ADNP2: variants seen among roughly 807,000 people sequenced by gnomAD.
The protein encoded by ADNP2 is ADNP homeobox 2, also known as activity-dependent neuroprotector homeobox protein 2.
ADNP2 carries 8 observed loss-of-function variants against 16.4 expected under a neutral mutation model. The observed-to-expected ratio is 0.49, with a 90% CI of 0.29 to 0.88. The LOEUF is 0.88. Ranked by LOEUF, ADNP2 falls within the 40% of genes least tolerant of loss-of-function variation. The probability of loss-of-function intolerance (pLI) is 0.09; values close to 1 mark genes in which losing one functional copy is unlikely to be tolerated. For synonymous variants in ADNP2, 637 were observed against 545.8 expected (o/e 1.17, Z -2.33); for missense variants, 1,397 against 1,395.1 (o/e 1.00, Z -0.02).
chr18:80,133,318 C>A, intron 3 of ADNP2, 126 bp downstream of exon 3: 2 of 765,244 alleles, frequency 2.6e-6, no homozygotes, highest in Non-Finnish European at 4.6e-6. Flanking sequence ...AATAATGCAA[C>A]CTTTCAGAGA....
chr18:80,115,416 G>T (rs2052382756), intron 1 of ADNP2, among the ~76,000 whole-genome samples: 1 of 152,036 alleles, frequency 6.6e-6, no homozygotes, highest in Non-Finnish European at 1.5e-5. Context: ...CTGCTACTGG[G>T]GTGTATAACT....
Position 80,135,952 on chromosome 18 carries a change from A to C in ADNP2, c.539A>C (p.His180Pro). 1 of 1,614,226 alleles carries C rather than the reference A, an allele frequency of 6.2e-7. No homozygotes were observed. Among genetic ancestry groups the C allele is most frequent in the East Asian group, 2.2e-5 (1 of 44,880 alleles). The change falls in exon 4 of 4, where the codon CAC (histidine) becomes CCC (proline). Residue 180 changes from histidine (H) to proline (P), a missense_variant. By Grantham distance (77) the His-to-Pro change is moderately conservative. Transcript: ENST00000262198. ...MKKHVLVAHFHYLINSYFGLR... is the reference protein window; with the variant it reads ...MKKHVLVAHFPYLINSYFGLR... ...AAGCATGTGCTGGTAGCCCATTTTC[A>C]CTACTTAATTAACTCCTACTTTGGC... is the stretch of plus-strand genomic sequence containing the variant.
chr18:80,123,928 C>A (rs1157822386), intron 2 of ADNP2, among the ~76,000 whole-genome samples: 2 of 152,014 alleles, frequency 1.3e-5, no homozygotes, highest in Non-Finnish European at 2.9e-5. Flanking sequence ...TGGGGTTTCA[C>A]CATGTTGGCC....
Position 80,109,487 on chromosome 18 carries a change from G to C in ADNP2, c.-14+15G>C, listed in dbSNP as rs1321505370. On this transcript the variant is annotated intron_variant, in intron 1 of 3. Coordinates refer to ENST00000262198, the MANE Select transcript of ADNP2 (RefSeq NM_014913.4). ...GGCGCCAAGCGGTAGGTACGGCCCG[G>C]CCCGGCGCGGGCCCGCGCGGCGACG... 6.8e-6 allele frequency: 1 copy of C among 147,808 alleles called. No homozygotes were observed. The highest frequency in any genetic ancestry group is 1.5e-5 in the Non-Finnish European group (1 of 66,326). 9.2% of individuals were successfully genotyped at this position (147,808 alleles called of 1,614,324 possible).
Position 80,136,556 on chromosome 18 carries a change from C to A in ADNP2, c.1143C>A (p.Val381=). The A allele has an allele frequency of 6.2e-7, 1 of 1,614,226 alleles. No homozygotes were observed. Among genetic ancestry groups the A allele is most frequent in the Non-Finnish European group, 8.5e-7 (1 of 1,180,044 alleles). Residue 381 remains valine, a synonymous_variant, in exon 4 of 4, where the codon GTC becomes GTA. Coordinates refer to ENST00000262198, the MANE Select transcript of ADNP2 (RefSeq NM_014913.4). ...VLPLSQPVGP[V]NKSVGTSVLP... ...CCTTGAGTCAGCCAGTCGGACCTGT[C>A]AATAAGTCTGTTGGAACTAGTGTCC...
At chr18:80,121,334 A>G (rs1027466824) in intron 2 of ADNP2, among the ~76,000 whole-genome samples, 2 of 152,176 alleles carry the variant, frequency 1.3e-5, no homozygotes, top group African/African-American at 4.8e-5. Flanking sequence ...AGCCATTTGT[A>G]TATCTTCTTT....
chr18:80,139,662 TCTC>T lies in ADNP2; in HGVS notation c.*856_*858del, dbSNP rs1315721407. The T allele has an allele frequency of 6.6e-6, 1 of 152,576 alleles. No individual in the cohort carries two copies. Among genetic ancestry groups the T allele is most frequent in the Non-Finnish European group, 1.5e-5 (1 of 68,034 alleles). The allele number at this position is 152,576 out of a possible 1,614,324, so 9.5% of individuals were successfully genotyped here. A position where few individuals can be genotyped will look rare whatever the true frequency, so the allele number is the denominator to read the frequency against. ...TTGAAAGAATACACCCCAAAACTCTTCTCCTAACTTAACTACTCATAAACTAGT... is the reference window on the plus strand; with the variant it reads ...TTGAAAGAATACACCCCAAAACTCTTCTAACTTAACTACTCATAAACTAGT... On this transcript the variant is annotated 3_prime_UTR_variant, in exon 4 of 4. Transcript: ENST00000262198.
chr18:80,137,143 C>G lies in ADNP2; in HGVS notation c.1730C>G (p.Pro577Arg), dbSNP rs1419535933. 12 of 1,614,130 alleles carry G rather than the reference C, an allele frequency of 7.4e-6. No individual in the cohort carries two copies. The highest frequency in any genetic ancestry group is 1.0e-5 in the Non-Finnish European group (12 of 1,180,042). Residue 577 changes from proline to arginine, a missense_variant, in exon 4 of 4, where the codon CCT (proline) becomes CGT (arginine). Transcript: ENST00000262198. The surrounding 1 kb of genome is among the most constrained non-coding windows in gnomAD (Gnocchi z 4.2). ...CAGACTGTGGGCACCAACATTCTGC[C>G]TGTGAATCAGCCAGTGAGACCTGGT... ...LNQTVGTNIL[P>R]VNQPVRPGAS...
Position 80,137,919 on chromosome 18 carries a change from G to T in ADNP2, c.2506G>T (p.Glu836Ter). The change falls in exon 4 of 4, where the codon GAG becomes TAG. Residue 836 changes from glutamate to a stop codon, truncating the protein, a stop_gained. Coordinates refer to ENST00000262198, the MANE Select transcript of ADNP2 (RefSeq NM_014913.4). LOFTEE classifies it low-confidence loss of function (END_TRUNC). This position sits in a 1 kb window ranked among gnomAD's most constrained non-coding sequence, Gnocchi z 4.2. ...ITILPKEKLG[E>*]REVYLAILAG... is the part of the protein sequence containing the mutation. The stretch of plus-strand genomic sequence containing the variant: ...CATATTGCCAAAGGAGAAGCTTGGG[G>T]AGCGGGAAGTCTACTTGGCAATCCT... 1 of 1,613,634 alleles carries T rather than the reference G, an allele frequency of 6.2e-7. No individual in the cohort carries two copies. Among genetic ancestry groups the T allele is most frequent in the Non-Finnish European group, 8.5e-7 (1 of 1,180,030 alleles).
At chr18:80,119,150 G>T (rs879827427) in intron 2 of ADNP2, among the ~76,000 whole-genome samples, 1 of 152,136 alleles carries the variant, frequency 6.6e-6, no homozygotes, top group Non-Finnish European at 1.5e-5. Flanking sequence ...TGCACCAGCT[G>T]TTGTTTCTTT....
At chr18:80,126,125 C>T (rs1160180691) in intron 2 of ADNP2, among the ~76,000 whole-genome samples, 1 of 151,762 alleles carries the variant, frequency 6.6e-6, no homozygotes, top group Non-Finnish European at 1.5e-5. Flanking sequence ...TATTTTTATT[C>T]CATTTTATCT....
Position 80,123,552 on chromosome 18 carries a change from T to C in ADNP2, c.108+5902T>C, listed in dbSNP as rs2052438833. On this transcript the variant is annotated intron_variant, in intron 2 of 3. Transcript: ENST00000262198. The stretch of plus-strand genomic sequence containing the variant: ...ACCCAGCTAATTTTTCTATTTTTAG[T>C]AGAGACGGGTTTTTCCTTGTTGGTC... Among the ~76,000 whole-genome samples, 3 of 152,020 alleles carry C rather than the reference T, an allele frequency of 2.0e-5. No individual in the cohort carries two copies. In the South Asian group the frequency reaches 6.3e-4, roughly 32 times the overall value.
intron 2 of ADNP2, among the ~76,000 whole-genome samples, chr18:80,127,513 ATCTTTCACTT>A (rs2052468002): frequency 6.6e-6 from 1 of 151,956 alleles, no homozygotes; most frequent in Admixed American, 6.6e-5. Flanking sequence ...TTTACCATCC[ATCTTTCACTT>A]TCTTTCACTT....
rs2052562802 is a variant in ADNP2 at position 80,138,893 on chromosome 18, G to A, written c.*84G>A. On this transcript the variant is annotated 3_prime_UTR_variant, in exon 4 of 4. Transcript: ENST00000262198. ...AATTTCACAGTGTTGTCCTCACTGT[G>A]TTGGTGAATCAACCTCAGTGGTCAC... is the stretch of plus-strand genomic sequence containing the variant. 1.6e-6 allele frequency: 2 copies of A among 1,270,474 alleles called. No individual in the cohort carries two copies. The highest frequency in any genetic ancestry group is 3.0e-5 in the African/African-American group (2 of 65,792). The allele number at this position is 1,270,474 out of a possible 1,614,324, so 78.7% of individuals were successfully genotyped here.
In ADNP2 at chr18:80,133,166, C is replaced by T. The variant is rs1204777179; in HGVS notation, c.172C>T (p.Leu58Phe). The change falls in exon 3 of 4, where the codon CTC becomes TTC. Residue 58 changes from leucine (L) to phenylalanine (F), a missense_variant. Transcript: ENST00000262198. The part of the protein sequence containing the change: ...FHNTSWGDVS[L>F]WEPSGKKVRY... ...TAACACATCATGGGGTGATGTTTCT[C>T]TCTGGGAACCTTCTGGAAAGAAAGT... The T allele has an allele frequency of 6.2e-7, 1 of 1,613,550 alleles. No individual in the cohort carries two copies. The highest frequency in any genetic ancestry group is 1.7e-5 in the Admixed American group (1 of 60,002).
Position 80,109,388 on chromosome 18 carries a change from A to G in ADNP2, c.-98A>G, listed in dbSNP as rs889054897. ...GGCGCGGGCGGGCGCAGGCGGCCCC[A>G]CGGGACGCGGCTGCGCTCGGCGGAA... On this transcript the variant is annotated 5_prime_UTR_variant, in exon 1 of 4. Coordinates refer to ENST00000262198, the MANE Select transcript of ADNP2 (RefSeq NM_014913.4). The G allele has an allele frequency of 1.3e-5, 2 of 148,574 alleles. No homozygotes were observed. Among genetic ancestry groups the G allele is most frequent in the African/African-American group, 4.9e-5 (2 of 41,048 alleles). 9.2% of individuals were successfully genotyped at this position (148,574 alleles called of 1,614,324 possible). A position where few individuals can be genotyped will look rare whatever the true frequency, so the allele number is the denominator to read the frequency against.
intron 2 of ADNP2, among the ~76,000 whole-genome samples, chr18:80,123,218 G>T (rs1568410488): frequency 6.6e-6 from 1 of 152,060 alleles, no homozygotes; most frequent in South Asian, 2.1e-4. Flanking sequence ...TGTTGAATTT[G>T]GTTTGCTAGT....
At chr18:80,127,017 G>A (rs956095696) in intron 2 of ADNP2, among the ~76,000 whole-genome samples, 12 of 152,188 alleles carry the variant, frequency 7.9e-5, no homozygotes, top group African/African-American at 2.9e-4. Flanking sequence ...AGAAGGGTGA[G>A]CACAGGATGT....
chr18:80,120,935 T>A (rs1481498378), intron 2 of ADNP2, among the ~76,000 whole-genome samples: 1 of 152,226 alleles, frequency 6.6e-6, no homozygotes, highest in Non-Finnish European at 1.5e-5. Context: ...TATGCTGCAA[T>A]GAACATTGGT....
Sources: allele counts gnomAD v4.1 joint callset (sites outside exome capture counted in the v4.1 genomes callset), GRCh38; gene constraint gnomAD v4.1.1; non-coding constraint Gnocchi (gnomAD v3.1); transcripts MANE v1.5; gene names NCBI Gene and HGNC (gene_info 2026-07-23, HGNC 2026-07-21).